Variants in EPHA6 observed in about 807,000 individuals in gnomAD.
EPHA6 encodes the protein ephrin type-A receptor 6.
Under a neutral mutation model 112.0 loss-of-function variants are expected in EPHA6, and 50 were observed. The ratio of observed to expected loss-of-function variants is 0.45; its 90% CI spans 0.36 to 0.56. The LOEUF (loss-of-function observed/expected upper bound fraction) is 0.56, where lower values mean the gene tolerates loss of function less well. Ranked by LOEUF, EPHA6 falls within the 20% of genes least tolerant of loss-of-function variation. The pLI, the probability that EPHA6 is intolerant of heterozygous loss-of-function variation, is 0.00. For missense variants in EPHA6, 1,280 were observed against 1,417.4 expected, an observed-to-expected ratio of 0.90 and a Z score of 1.56; for synonymous variants, 529 against 490.7, an observed-to-expected ratio of 1.08 and a Z score of -1.03.
intron 3 of EPHA6, among the ~76,000 whole-genome samples, chr3:97,125,853 C>T (rs554699811): frequency 4.7e-4 from 71 of 152,204 alleles, no homozygotes; most frequent in Non-Finnish European, 9.1e-4. Flanking sequence ...GTTTTAAATG[C>T]TTTCAGATTG....
intron 1 of EPHA6, among the ~76,000 whole-genome samples, chr3:96,840,644 C>T (rs2318154): frequency 0.032 from 4,807 of 152,164 alleles, 109 homozygotes; most frequent in East Asian, 0.069. Context: ...AGAGCTGACA[C>T]ACTGGGTGAA....
chr3:97,579,950 GA>G (rs1356657042), intron 11 of EPHA6, among the ~76,000 whole-genome samples: 1 of 152,058 alleles, frequency 6.6e-6, no homozygotes, highest in Non-Finnish European at 1.5e-5. Context: ...CAGTAAAATT[GA>G]ATATAATACT....
chr3:97,110,538 A>C, intron 3 of EPHA6, among the ~76,000 whole-genome samples: 1 of 151,850 alleles, frequency 6.6e-6, no homozygotes, highest in East Asian at 1.9e-4. Flanking sequence ...TTATTTATTT[A>C]TTTAGAGACA....
intron 5 of EPHA6, among the ~76,000 whole-genome samples, chr3:97,266,425 C>T (rs72924468): frequency 0.017 from 2,586 of 151,956 alleles, 69 homozygotes; most frequent in African/African-American, 0.058. Flanking sequence ...AAGTAAAATG[C>T]TAATATTTCT....
intron 3 of EPHA6, among the ~76,000 whole-genome samples, chr3:97,069,497 G>A (rs1461611446): frequency 1.3e-5 from 2 of 152,252 alleles, no homozygotes; most frequent in African/African-American, 2.4e-5. Flanking sequence ...GGTGTTGCAT[G>A]TTGTTATTTA....
chr3:96,988,576 T>G (rs2043104217), intron 3 of EPHA6, among the ~76,000 whole-genome samples: 1 of 152,174 alleles, frequency 6.6e-6, no homozygotes. Flanking sequence ...TTTAAATAAA[T>G]GAGGGATTCA....
intron 3 of EPHA6, among the ~76,000 whole-genome samples, chr3:97,083,603 T>C (rs2046794561): frequency 1.3e-5 from 2 of 151,978 alleles, no homozygotes; most frequent in African/African-American, 2.4e-5. Flanking sequence ...CCCAGGTCTT[T>C]TTTTCTACTC....
intron 13 of EPHA6, among the ~76,000 whole-genome samples, chr3:97,617,716 C>T (rs1489501770): frequency 6.6e-6 from 1 of 152,114 alleles, no homozygotes; most frequent in Non-Finnish European, 1.5e-5. Context: ...GGGTTCAATT[C>T]AACAAGATGA....
chr3:96,952,558 T>C (rs892344999), intron 2 of EPHA6, among the ~76,000 whole-genome samples: 2 of 152,190 alleles, frequency 1.3e-5, no homozygotes, highest in Admixed American at 1.3e-4. Flanking sequence ...TACCAGATGT[T>C]GCTTCCATGC....
chr3:97,185,553 T>G (rs2077103206), intron 3 of EPHA6, among the ~76,000 whole-genome samples: 1 of 151,766 alleles, frequency 6.6e-6, no homozygotes, highest in Admixed American at 6.6e-5. Flanking sequence ...GATCAAAAAG[T>G]CAGGAAACAA....
intron 5 of EPHA6, among the ~76,000 whole-genome samples, chr3:97,270,544 A>AT (rs1366325129): frequency 7.9e-5 from 12 of 152,206 alleles, no homozygotes; most frequent in Admixed American, 5.2e-4. Context: ...AGCAAGTCGG[A>AT]TTTGCCTAAA....
chr3:97,270,827 A>G (rs904893081), intron 5 of EPHA6, among the ~76,000 whole-genome samples: 2 of 152,222 alleles, frequency 1.3e-5, no homozygotes, highest in African/African-American at 4.8e-5. Context: ...AGCTTCACTC[A>G]TAGACAAGAA....
At chr3:97,315,665 AT>A (rs1425342741) in intron 5 of EPHA6, among the ~76,000 whole-genome samples, 12 of 151,724 alleles carry the variant, frequency 7.9e-5, no homozygotes, top group Non-Finnish European at 1.8e-4. Context: ...TTTTAGTGAA[AT>A]TTTCTTATTG....
intron 5 of EPHA6, among the ~76,000 whole-genome samples, chr3:97,311,570 TTGG>T (rs2081564755): frequency 6.6e-6 from 1 of 151,702 alleles, no homozygotes; most frequent in South Asian, 2.1e-4. Context: ...TTGAATTGCA[TTGG>T]CAACTTCAAA....
intron 1 of EPHA6, among the ~76,000 whole-genome samples, chr3:96,859,464 C>A (rs2035887524): frequency 6.6e-6 from 1 of 151,434 alleles, no homozygotes; most frequent in Non-Finnish European, 1.5e-5. Context: ...TTGCTGCAGC[C>A]TAGAACTCCT....
chr3:96,983,868 A>T lies in EPHA6; in HGVS notation c.451-3462A>T, dbSNP rs1401831521. ...ATCAGCTACTGAAGCTTGTGAATTC[A>T]TCACATAGTTCTCATGCCATGGTTT... On this transcript the variant is annotated intron_variant, in intron 2 of 17. Coordinates refer to ENST00000389672, the MANE Select transcript of EPHA6 (RefSeq NM_001080448.3). 3.3e-5 allele frequency among the ~76,000 whole-genome samples: 5 copies of T among 152,174 alleles called. No homozygotes were observed. In the South Asian group the frequency reaches 1.0e-3, roughly 32 times the overall value.
intron 2 of EPHA6, among the ~76,000 whole-genome samples, chr3:96,950,215 G>A (rs1018176961): frequency 3.9e-5 from 6 of 152,028 alleles, no homozygotes; most frequent in African/African-American, 9.7e-5. Context: ...TTAGCATCTC[G>A]TAATTTCTCA....
In EPHA6 at chr3:97,328,519, C is replaced by A. The variant is rs531002801; in HGVS notation, c.1607-76631C>A. 4.6e-5 allele frequency among the ~76,000 whole-genome samples: 7 copies of A among 151,976 alleles called. No individual in the cohort carries two copies. The East Asian group carries it at 1.4e-3, about 29-fold the overall frequency. On this transcript the variant is annotated intron_variant, in intron 5 of 17. Transcript: ENST00000389672. ...CTTCAGTGAATTGTCTTTTCATATT[C>A]TTTTCACATTCTCTAATTGATTGTT...
intron 2 of EPHA6, among the ~76,000 whole-genome samples, chr3:96,882,732 G>C (rs1382555598): frequency 1.8e-5 from 2 of 113,006 alleles, no homozygotes; most frequent in Non-Finnish European, 3.4e-5. Flanking sequence ...TTGTGTGTCT[G>C]TGTGTGTGTG....
Sources: gnomAD v4.1 joint callset for allele counts (sites outside exome capture counted in the v4.1 genomes callset) on GRCh38, gnomAD v4.1.1 for gene constraint, MANE v1.5 for transcripts, NCBI Gene and HGNC (gene_info 2026-07-23, HGNC 2026-07-21) for gene names.